DIAPH3: variants seen among roughly 807,000 people sequenced by gnomAD.
DIAPH3 encodes protein diaphanous homolog 3.
Under a neutral mutation model 144.3 loss-of-function variants are expected in DIAPH3, and 117 were observed. The ratio of observed to expected loss-of-function variants is 0.81; its 90% CI spans 0.70 to 0.95. The LOEUF is 0.95. Ranked by LOEUF, DIAPH3 falls within the 40% of genes least tolerant of loss-of-function variation. DIAPH3 has a pLI of 0.00. For missense variants in DIAPH3, 1,421 were observed against 1,412.7 expected, an observed-to-expected ratio of 1.01 and a Z score of -0.09; for synonymous variants, 519 against 488.9, an observed-to-expected ratio of 1.06 and a Z score of -0.81.
intron 25 of DIAPH3, among the ~76,000 whole-genome samples, chr13:59,786,237 T>A (rs2039023097): frequency 6.6e-6 from 1 of 152,184 alleles, no homozygotes. Flanking sequence ...TTACATTGTA[T>A]CCAAATTTGA....
intron 21 of DIAPH3, among the ~76,000 whole-genome samples, chr13:59,866,191 C>G (rs187742725): frequency 6.6e-6 from 1 of 151,994 alleles, no homozygotes; most frequent in Non-Finnish European, 1.5e-5. Flanking sequence ...ATGAGACAGA[C>G]ATTAGCCAAA....
chr13:60,105,793 A>T (rs1398268080), intron 3 of DIAPH3, among the ~76,000 whole-genome samples: 1 of 152,206 alleles, frequency 6.6e-6, no homozygotes, highest in East Asian at 1.9e-4. Context: ...AAAGAATACT[A>T]ATACTTGAAA....
At chr13:60,013,308 C>T (rs1210632179) in intron 7 of DIAPH3, 1 of 729,260 alleles carries the variant, frequency 1.4e-6, no homozygotes, top group Non-Finnish European at 1.7e-6. Context: ...TCTAAATCCT[C>T]GTGTAGGACG....
intron 27 of DIAPH3, among the ~76,000 whole-genome samples, chr13:59,692,707 CA>C (rs1220136356): frequency 6.6e-6 from 1 of 152,106 alleles, no homozygotes; most frequent in Non-Finnish European, 1.5e-5. Flanking sequence ...CTCCATCAAC[CA>C]TAACCTACTC....
intron 1 of DIAPH3, among the ~76,000 whole-genome samples, chr13:60,139,849 G>A (rs909029486): frequency 6.6e-6 from 1 of 152,132 alleles, no homozygotes; most frequent in Non-Finnish European, 1.5e-5. Context: ...CATATTTTAA[G>A]ATGCCTCTTC....
intron 20 of DIAPH3, among the ~76,000 whole-genome samples, chr13:59,880,266 G>A (rs1322347954): frequency 1.3e-5 from 2 of 152,174 alleles, no homozygotes; most frequent in Non-Finnish European, 2.9e-5. Flanking sequence ...GCTGTAGGCT[G>A]AAGACATACC....
chr13:59,899,119 G>A (rs2046294306), intron 20 of DIAPH3, among the ~76,000 whole-genome samples: 1 of 152,080 alleles, frequency 6.6e-6, no homozygotes, highest in Non-Finnish European at 1.5e-5. Context: ...GGGCTCTCAG[G>A]CTTCGGTCAC....
chr13:59,965,265 C>G (rs1438503043), intron 17 of DIAPH3, among the ~76,000 whole-genome samples: 2 of 151,858 alleles, frequency 1.3e-5, no homozygotes, highest in Admixed American at 6.6e-5. Flanking sequence ...ATTTATGGGC[C>G]CTATCTGGCA....
chr13:60,041,651 T>C (rs769729568), intron 5 of DIAPH3, among the ~76,000 whole-genome samples: 13 of 152,246 alleles, frequency 8.5e-5, no homozygotes, highest in African/African-American at 2.4e-4. Context: ...CCTCCAATTA[T>C]AGTATGCAAT....
chr13:59,905,552 A>G (rs2046691781), intron 20 of DIAPH3, among the ~76,000 whole-genome samples: 1 of 152,122 alleles, frequency 6.6e-6, no homozygotes, highest in Non-Finnish European at 1.5e-5. Flanking sequence ...TGTCCCTGTT[A>G]TAGGCAAAAT....
intron 27 of DIAPH3, among the ~76,000 whole-genome samples, chr13:59,683,449 T>C (rs1044396905): frequency 6.6e-6 from 1 of 151,986 alleles, no homozygotes; most frequent in Non-Finnish European, 1.5e-5. Flanking sequence ...AGATGATGAA[T>C]GAAGGGAACA....
At chr13:59,824,321 C>A (rs2139657885) in intron 24 of DIAPH3, among the ~76,000 whole-genome samples, 1 of 152,240 alleles carries the variant, frequency 6.6e-6, no homozygotes, top group African/African-American at 2.4e-5. Context: ...GAGATGCAGG[C>A]TGTTATTATC....
chr13:60,007,083 G>A (rs1204936749), intron 9 of DIAPH3, among the ~76,000 whole-genome samples: 5 of 150,514 alleles, frequency 3.3e-5, no homozygotes, highest in Non-Finnish European at 5.9e-5. Flanking sequence ...TCAGAGTCTC[G>A]CTCAGTCACC....
intron 27 of DIAPH3, among the ~76,000 whole-genome samples, chr13:59,738,782 T>C (rs1236024308): frequency 6.6e-6 from 1 of 152,210 alleles, no homozygotes; most frequent in Non-Finnish European, 1.5e-5. Context: ...CCAGTAACAG[T>C]TACAGACTGA....
chr13:60,078,667 G>A (rs2057453102), intron 4 of DIAPH3, among the ~76,000 whole-genome samples: 1 of 151,408 alleles, frequency 6.6e-6, no homozygotes. Context: ...GATTTAAGAG[G>A]CAAAATTTTC....
At chr13:59,888,574 T>C (rs1409779811) in intron 20 of DIAPH3, among the ~76,000 whole-genome samples, 1 of 152,124 alleles carries the variant, frequency 6.6e-6, no homozygotes, top group East Asian at 1.9e-4. Flanking sequence ...CATCTTAATG[T>C]ATCAATCTAA....
chr13:59,972,200 T>A (rs2050425702), intron 15 of DIAPH3, among the ~76,000 whole-genome samples: 2 of 152,120 alleles, frequency 1.3e-5, no homozygotes, highest in Admixed American at 1.3e-4. Context: ...AAACTATGAA[T>A]GAAGAGAGCA....
intron 9 of DIAPH3, among the ~76,000 whole-genome samples, chr13:60,000,525 T>G (rs2052459773): frequency 6.6e-6 from 1 of 151,628 alleles, no homozygotes; most frequent in Admixed American, 6.6e-5. Context: ...CAAGTAGAGA[T>G]CCACAGAAGG....
chr13:59,915,911 T>A (rs1375651126), intron 19 of DIAPH3, among the ~76,000 whole-genome samples: 1 of 152,164 alleles, frequency 6.6e-6, no homozygotes, highest in African/African-American at 2.4e-5. Context: ...ACAATTTGCT[T>A]TTCAGAAACA....
Sources: gnomAD v4.1 joint callset for allele counts (sites outside exome capture counted in the v4.1 genomes callset) on GRCh38, gnomAD v4.1.1 for gene constraint, MANE v1.5 for transcripts, NCBI Gene and HGNC (gene_info 2026-07-23, HGNC 2026-07-21) for gene names.